MORF4L1: variants seen among roughly 807,000 people sequenced by gnomAD.
MORF4L1 encodes the protein mortality factor 4-like protein 1.
In MORF4L1, 4 loss-of-function variants were observed where a neutral mutation model predicts 52.9. The ratio of observed to expected loss-of-function variants is 0.08; its 90% CI spans 0.04 to 0.17. The LOEUF (loss-of-function observed/expected upper bound fraction) is 0.17, where lower values mean the gene tolerates loss of function less well. Among genes scored for constraint, MORF4L1 ranks in the 10% least tolerant of loss-of-function variants. The pLI is 1.00. For synonymous variants in MORF4L1, 123 were observed against 134.8 expected, an observed-to-expected ratio of 0.91 and a Z score of 0.61; for missense variants, 214 against 390.4, an observed-to-expected ratio of 0.55 and a Z score of 3.81.
At chr15:78,890,302 AC>A (rs2056777008) in intron 5 of MORF4L1, among the ~76,000 whole-genome samples, 1 of 145,376 alleles carries the variant, frequency 6.9e-6, no homozygotes, top group Non-Finnish European at 1.5e-5. Flanking sequence ...AGATGAGGAG[AC>A]TTAAAACAAA....
At chr15:78,876,547 A>G (rs1163280563) in intron 1 of MORF4L1, 2 of 455,970 alleles carry the variant, frequency 4.4e-6, no homozygotes, top group Admixed American at 4.7e-5. Context: ...GTTTCAGTGC[A>G]CTTTTTTTTC....
chr15:78,885,544 CT>C (rs2056686918), intron 3 of MORF4L1, among the ~76,000 whole-genome samples: 1 of 152,132 alleles, frequency 6.6e-6, no homozygotes, highest in African/African-American at 2.4e-5. Context: ...CATTTTAATA[CT>C]TTACAAACTT....
chr15:78,872,897 G>C lies in MORF4L1; in HGVS notation c.-121G>C, dbSNP rs1469162311. The C allele has an allele frequency of 1.1e-5, 16 of 1,459,452 alleles. No homozygotes were observed. The highest frequency in any genetic ancestry group is 1.4e-5 in the Non-Finnish European group (15 of 1,109,004). The allele number at this position is 1,459,452 out of a possible 1,614,324, so 90.4% of individuals were successfully genotyped here. On this transcript the variant is annotated 5_prime_UTR_variant, in exon 1 of 12. Transcript: ENST00000426013. Reference sequence around the variant, plus strand: ...AGGTCTGCGGGCGCTGGCAAATCCGGCCCAGGATGTAGAGCTGGCAGTGCC... The same window carrying C: ...AGGTCTGCGGGCGCTGGCAAATCCGCCCCAGGATGTAGAGCTGGCAGTGCC...
chr15:78,886,300 G>A, intron 4 of MORF4L1, 73 bp downstream of exon 4: 1 of 1,311,726 alleles, frequency 7.6e-7, no homozygotes, highest in Non-Finnish European at 1.1e-6. Context: ...AATGAACAAT[G>A]GAGATCATGT....
chr15:78,894,035 G>T, intron 9 of MORF4L1, 23 bp from the exon 10 acceptor site: 1 of 1,594,082 alleles, frequency 6.3e-7, no homozygotes, highest in Non-Finnish European at 8.6e-7. Flanking sequence ...ACCAGTTTTG[G>T]AATATTTTTG....
chr15:78,896,839 T>C, intron 11 of MORF4L1, 144 bp from the exon 12 acceptor site: 2 of 600,208 alleles, frequency 3.3e-6, no homozygotes, highest in Admixed American at 5.5e-5. Context: ...ATTGTCATTA[T>C]GTGTGGTTTT....
chr15:78,885,207 A>G lies in MORF4L1; in HGVS notation c.156-934A>G, dbSNP rs2056679291. The G allele has an allele frequency of 8.2e-5, 61 of 746,614 alleles. No individual in the cohort carries two copies. The South Asian group carries it at 1.5e-3, about 18-fold the overall frequency. 46.2% of individuals were successfully genotyped at this position (746,614 alleles called of 1,614,324 possible). ...AAATCATTAAACAAAAGAAAGTCTT[A>G]AATTTTTTTTTGTAATTGGGTGCCT... On this transcript the variant is annotated intron_variant, in intron 3 of 11. Coordinates refer to ENST00000426013, the MANE Select transcript of MORF4L1 (RefSeq NM_006791.4).
chr15:78,880,179 T>C (rs554600361), intron 2 of MORF4L1, among the ~76,000 whole-genome samples: 50 of 152,356 alleles, frequency 3.3e-4, no homozygotes, highest in Middle Eastern at 6.8e-3. Context: ...AGACTTTGCT[T>C]TAGAGGAATT....
At chr15:78,873,753 AG>A (rs966155504) in intron 1 of MORF4L1, 3 of 152,482 alleles carry the variant, frequency 2.0e-5, no homozygotes, top group African/African-American at 7.3e-5. Flanking sequence ...GAAAAAAAAA[AG>A]TGAGATGAGC....
At chr15:78,882,058 C>A (rs1210860175) in intron 3 of MORF4L1, among the ~76,000 whole-genome samples, 1 of 152,116 alleles carries the variant, frequency 6.6e-6, no homozygotes, top group Non-Finnish European at 1.5e-5. Context: ...TTTATCAGAC[C>A]TTTTACTTCC....
chr15:78,882,826 T>G (rs1025912028), intron 3 of MORF4L1, among the ~76,000 whole-genome samples: 9 of 3,176 alleles, frequency 2.8e-3, no homozygotes, highest in African/African-American at 3.0e-3. Context: ...AGTTTTAGCT[T>G]CTTAGGGAGG....
At chr15:78,893,691 T>C (rs1397506073) in intron 9 of MORF4L1, 64 bp downstream of exon 9, 4 of 1,114,272 alleles carry the variant, frequency 3.6e-6, no homozygotes. Context: ...AAATAAGTCA[T>C]CTGAAACTTG....
chr15:78,892,073 A>AT, intron 7 of MORF4L1, 139 bp from the exon 8 acceptor site: 3 of 520,216 alleles, frequency 5.8e-6, no homozygotes, highest in Admixed American at 3.6e-5. Context: ...TTTATTAATG[A>AT]TTTTAAAAAA....
chr15:78,889,347 T>A (rs953244470), intron 5 of MORF4L1, among the ~76,000 whole-genome samples: 1 of 152,184 alleles, frequency 6.6e-6, no homozygotes, highest in South Asian at 2.1e-4. Context: ...TTCCAGACTT[T>A]TTTTGGATTT....
chr15:78,891,467 C>T lies in MORF4L1; in HGVS notation c.350-17C>T. 1 of 1,603,928 alleles carries T rather than the reference C, an allele frequency of 6.2e-7. No individual in the cohort carries two copies. Among genetic ancestry groups the T allele is most frequent in the Non-Finnish European group, 8.5e-7 (1 of 1,171,258 alleles). ...TTAAATTAGCTAAATGAGACCCCTC[C>T]CCGCCAACATTTACAGCACCTGGAA... On this transcript the variant is annotated splice_polypyrimidine_tract_variant and intron_variant, in intron 6 of 11. Transcript: ENST00000426013.
At chr15:78,896,835 A>AT in intron 11 of MORF4L1, 148 bp from the exon 12 acceptor site, 1 of 595,884 alleles carries the variant, frequency 1.7e-6, no homozygotes, top group Non-Finnish European at 3.1e-6. Context: ...CTGAATTGTC[A>AT]TTATGTGTGG....
chr15:78,891,378 T>C (rs1180944875), intron 6 of MORF4L1, 106 bp from the exon 7 acceptor site: 1 of 836,600 alleles, frequency 1.2e-6, no homozygotes, highest in Non-Finnish European at 2.0e-6. Context: ...AGGTAACAGC[T>C]GTGTAATGGA....
At chr15:78,874,506 C>G (rs1320756796) in intron 1 of MORF4L1, among the ~76,000 whole-genome samples, 1 of 151,782 alleles carries the variant, frequency 6.6e-6, no homozygotes, top group Non-Finnish European at 1.5e-5. Flanking sequence ...CACAGACGCG[C>G]GCCATCACGT....
chr15:78,880,685 T>C (rs969525427), intron 3 of MORF4L1, 106 bp downstream of exon 3: 7 of 755,864 alleles, frequency 9.3e-6, no homozygotes, highest in South Asian at 5.7e-5. Flanking sequence ...TAATGTAATA[T>C]AGTACATATT....
Sources: gnomAD v4.1 joint callset for allele counts (sites outside exome capture counted in the v4.1 genomes callset) on GRCh38, gnomAD v4.1.1 for gene constraint, MANE v1.5 for transcripts, NCBI Gene and HGNC (gene_info 2026-07-23, HGNC 2026-07-21) for gene names.